Variants in FABP1 observed in about 807,000 individuals in gnomAD.
FABP1 encodes the protein fatty acid binding protein 1.
FABP1 carries 13 observed loss-of-function variants against 13.7 expected under a neutral mutation model. The ratio of observed to expected loss-of-function variants is 0.95; its 90% CI spans 0.62 to 1.51. The LOEUF (loss-of-function observed/expected upper bound fraction) is 1.51, where lower values mean the gene tolerates loss of function less well. FABP1 is among the 40% of genes most tolerant of loss of function. The probability of loss-of-function intolerance (pLI) is 0.00; values close to 1 mark genes in which losing one functional copy is unlikely to be tolerated. For synonymous variants in FABP1, 48 were observed against 59.8 expected, an observed-to-expected ratio of 0.80 and a Z score of 0.91; for missense variants, 140 against 155.7, an observed-to-expected ratio of 0.90 and a Z score of 0.54.
Position 88,127,996 on chromosome 2 carries a change from G to A in FABP1, c.22C>T (p.Gln8Ter). Reference sequence around the variant, plus strand: ...TCAAAGTTTTCCTGGCTCTGCAGTTGGTACTTGCCGGAGAAACTCATGGTG... The same window carrying A: ...TCAAAGTTTTCCTGGCTCTGCAGTTAGTACTTGCCGGAGAAACTCATGGTG... MSFSGKYQLQSQENFEAF... is the reference protein window; with the variant it reads MSFSGKY Residue 8 changes from glutamine (Q) to a stop codon, truncating the protein, a stop_gained, in exon 1 of 4, where the codon CAA becomes TAA. Transcript: ENST00000295834. LOFTEE classifies it high-confidence loss of function. 1.2e-6 allele frequency: 2 copies of A among 1,614,174 alleles called. No homozygotes were observed. Among genetic ancestry groups the A allele is most frequent in the Non-Finnish European group, 8.5e-7 (1 of 1,180,018 alleles).
At position 88,124,554 on chromosome 2, in the gene FABP1, C is replaced by T. The variant is rs749430804; in HGVS notation, c.273G>A (p.Leu91=). 5.2e-5 allele frequency: 83 copies of T among 1,611,430 alleles called. No homozygotes were observed. Among genetic ancestry groups the T allele is most frequent in the Non-Finnish European group, 6.9e-5 (81 of 1,178,822 alleles). The change falls in exon 3 of 4, where the codon CTG becomes CTA. Residue 91 remains leucine, a synonymous_variant. Coordinates refer to ENST00000295834, the MANE Select transcript of FABP1 (RefSeq NM_001443.3). ...TVVQLEGDNK[L]VTTFKNIKSV... Reference sequence around the variant, plus strand: ...ACTTGATGTTTTTGAAAGTTGTCACCAGTTTATTGTCACCTTCCAACTGAA... The same window carrying T: ...ACTTGATGTTTTTGAAAGTTGTCACTAGTTTATTGTCACCTTCCAACTGAA...
chr2:88,125,392 C>A (rs975921094), intron 2 of FABP1, among the ~76,000 whole-genome samples: 1 of 152,150 alleles, frequency 6.6e-6, no homozygotes, highest in Admixed American at 6.5e-5. Context: ...AAAGCAAACA[C>A]GCCCAGCCCA....
chr2:88,126,162 G>A lies in FABP1; in HGVS notation c.240+14C>T, dbSNP rs192194517. 4 of 1,593,108 alleles carry A rather than the reference G, an allele frequency of 2.5e-6. No homozygotes were observed. In the Admixed American group the frequency reaches 6.7e-5, roughly 27 times the overall value. ...CCAAGGAAAGTTCTGACAGCAGAAGGGATGCCCTCCTACCTTGACTTTCTC... is the reference window on the plus strand; with the variant it reads ...CCAAGGAAAGTTCTGACAGCAGAAGAGATGCCCTCCTACCTTGACTTTCTC... On this transcript the variant is annotated intron_variant, in intron 2 of 3. Coordinates refer to ENST00000295834, the MANE Select transcript of FABP1 (RefSeq NM_001443.3).
rs768034611 is a variant in FABP1 at position 88,123,084 on chromosome 2, A to G, written c.354T>C (p.Ile118=). 6.2e-7 allele frequency: 1 copy of G among 1,611,980 alleles called. No homozygotes were observed. The highest frequency in any genetic ancestry group is 8.5e-7 in the Non-Finnish European group (1 of 1,179,282). ...TTCTCTTGCTGATTCTCTTGAAGAC[A>G]ATGTCACCCAATGTCATGGTCTGAA... is the stretch of plus-strand genomic sequence containing the variant. ...IITNTMTLGD[I]VFKRISKRI Residue 118 remains isoleucine, a synonymous_variant, in exon 4 of 4, where the codon ATT becomes ATC. Coordinates refer to ENST00000295834, the MANE Select transcript of FABP1 (RefSeq NM_001443.3).
intron 3 of FABP1, chr2:88,123,463 GAT>G: frequency 4.1e-6 from 1 of 241,534 alleles, no homozygotes; most frequent in Non-Finnish European, 8.0e-6. Flanking sequence ...GAGCACCAAG[GAT>G]ACATGTACAT....
chr2:88,126,519 GA>G, intron 1 of FABP1, 171 bp from the exon 2 acceptor site: 1 of 637,566 alleles, frequency 1.6e-6, no homozygotes. Flanking sequence ...TGTGGCCTCA[GA>G]AAGGAAGGGA....
intron 1 of FABP1, among the ~76,000 whole-genome samples, chr2:88,127,235 T>C (rs537547407): frequency 3.3e-4 from 50 of 152,064 alleles, no homozygotes; most frequent in Non-Finnish European, 6.6e-4. Context: ...CACTGAGCCA[T>C]CCCCCCATGC....
chr2:88,124,236 C>T (rs1675255215), intron 3 of FABP1: 1 of 444,506 alleles, frequency 2.2e-6, no homozygotes, highest in Non-Finnish European at 3.9e-6. Context: ...TTATGAAGCA[C>T]CCTGGGCATG....
In FABP1 at chr2:88,128,054, G is replaced by A. The variant is rs572018483; in HGVS notation, c.-37C>T. 38 of 1,602,652 alleles carry A rather than the reference G, an allele frequency of 2.4e-5. No homozygotes were observed. The highest frequency in any genetic ancestry group is 5.3e-5 in the African/African-American group (4 of 74,810). ...AGCTCCCTCTTCACGACTGACCTGCGGCTCTGCCGACCAGACTGTCCACTG... is the reference window on the plus strand; with the variant it reads ...AGCTCCCTCTTCACGACTGACCTGCAGCTCTGCCGACCAGACTGTCCACTG... On this transcript the variant is annotated 5_prime_UTR_variant, in exon 1 of 4. Coordinates refer to ENST00000295834, the MANE Select transcript of FABP1 (RefSeq NM_001443.3).
chr2:88,126,040 C>G (rs1398072239), intron 2 of FABP1, 136 bp downstream of exon 2: 1 of 907,568 alleles, frequency 1.1e-6, no homozygotes, highest in East Asian at 2.4e-5. Flanking sequence ...GCCTTTGTCT[C>G]TCTGCTTCTC....
At chr2:88,127,019 G>A (rs991583887) in intron 1 of FABP1, among the ~76,000 whole-genome samples, 4 of 152,150 alleles carry the variant, frequency 2.6e-5, no homozygotes, top group Non-Finnish European at 5.9e-5. Flanking sequence ...GGTATGGCTT[G>A]CCTGCAGAAG....
chr2:88,126,337 C>T lies in FABP1; in HGVS notation c.79G>A (p.Glu27Lys). ...ATATCCTTCCCCTTCTGGATGAGCT[C>T]TTCCGGCAGACCTGGTGGAAACCGT... ...AFMKAIGLPE[E>K]LIQKGKDIKG... Residue 27 changes from glutamate (E) to lysine (K), a missense_variant, in exon 2 of 4, where the codon GAG (glutamate) becomes AAG (lysine). By Grantham distance (56) the Glu-to-Lys change is moderately conservative. Transcript: ENST00000295834. 1 of 1,613,368 alleles carries T rather than the reference C, an allele frequency of 6.2e-7. No homozygotes were observed. The highest frequency in any genetic ancestry group is 1.7e-5 in the Admixed American group (1 of 60,016).
intron 2 of FABP1, among the ~76,000 whole-genome samples, chr2:88,124,993 T>C (rs1484943164): frequency 1.3e-5 from 2 of 149,776 alleles, no homozygotes; most frequent in Non-Finnish European, 3.0e-5. Context: ...TTTTTTTAAT[T>C]GAGATGAGGT....
At chr2:88,127,905 C>G (rs748479856) in intron 1 of FABP1, 46 bp downstream of exon 1, 2 of 1,591,290 alleles carry the variant, frequency 1.3e-6, no homozygotes, top group African/African-American at 2.7e-5. Flanking sequence ...AGAGCTAGAC[C>G]CTCACTGATG....
Position 88,128,056 on chromosome 2 carries a change from C to T in FABP1, c.-39G>A, listed in dbSNP as rs1197535978. The T allele has an allele frequency of 1.3e-6, 2 of 1,598,472 alleles. No homozygotes were observed. Among genetic ancestry groups the T allele is most frequent in the African/African-American group, 1.3e-5 (1 of 74,764 alleles). On this transcript the variant is annotated 5_prime_UTR_variant, in exon 1 of 4. Transcript: ENST00000295834. ...CTCCCTCTTCACGACTGACCTGCGG[C>T]TCTGCCGACCAGACTGTCCACTGTA... is the stretch of plus-strand genomic sequence containing the variant.
intron 1 of FABP1, among the ~76,000 whole-genome samples, chr2:88,127,300 C>T (rs553733715): frequency 6.6e-6 from 1 of 152,332 alleles, no homozygotes; most frequent in Admixed American, 6.5e-5. Context: ...GGGGTTAAAG[C>T]AGGGTCTCTG....
chr2:88,125,597 C>T (rs1190638135), intron 2 of FABP1, among the ~76,000 whole-genome samples: 2 of 152,204 alleles, frequency 1.3e-5, no homozygotes, highest in African/African-American at 2.4e-5. Context: ...CCCTGCACTG[C>T]CTTCAGTCTA....
At chr2:88,127,778 C>T (rs1274835852) in intron 1 of FABP1, among the ~76,000 whole-genome samples, 173 bp downstream of exon 1, 1 of 152,190 alleles carries the variant, frequency 6.6e-6, no homozygotes, top group Non-Finnish European at 1.5e-5. Context: ...TGGCCTTGTG[C>T]AGTGAGGACT....
intron 3 of FABP1, 123 bp from the exon 4 acceptor site, chr2:88,123,227 A>C: frequency 1.3e-6 from 1 of 751,986 alleles, no homozygotes; most frequent in Non-Finnish European, 2.2e-6. Flanking sequence ...ATATGAAACA[A>C]TTCAAAAATT....
Sources: allele counts gnomAD v4.1 joint callset (sites outside exome capture counted in the v4.1 genomes callset), GRCh38; gene constraint gnomAD v4.1.1; transcripts MANE v1.5; gene names NCBI Gene and HGNC (gene_info 2026-07-23, HGNC 2026-07-21).